Variants in PTPRN2 observed in about 807,000 individuals in gnomAD.
PTPRN2 encodes protein tyrosine phosphatase receptor type N2.
In PTPRN2, 74 loss-of-function variants were observed where a neutral mutation model predicts 118.8. The ratio of observed to expected loss-of-function variants is 0.62; its 90% CI spans 0.52 to 0.76. The LOEUF is 0.76. Ranked by LOEUF, PTPRN2 falls within the 30% of genes least tolerant of loss-of-function variation. PTPRN2 has a pLI of 0.00. For synonymous variants in PTPRN2, 641 were observed against 608.0 expected, an observed-to-expected ratio of 1.05 and a Z score of -0.80; for missense variants, 1,481 against 1,394.4, an observed-to-expected ratio of 1.06 and a Z score of -0.99.
intron 1 of PTPRN2, among the ~76,000 whole-genome samples, chr7:158,494,362 A>C (rs1821676501): frequency 2.0e-5 from 3 of 152,242 alleles, no homozygotes; most frequent in Non-Finnish European, 4.4e-5. Flanking sequence ...CCTGACTGCC[A>C]TGAGGGCAGA....
intron 12 of PTPRN2, among the ~76,000 whole-genome samples, chr7:157,853,008 C>T (rs149400231): frequency 6.1e-4 from 93 of 152,228 alleles, no homozygotes; most frequent in African/African-American, 2.2e-3. Flanking sequence ...ATGTGGTTTC[C>T]CATCACTGTG....
intron 1 of PTPRN2, among the ~76,000 whole-genome samples, chr7:158,558,435 G>T (rs1827185951): frequency 6.6e-6 from 1 of 152,146 alleles, no homozygotes; most frequent in South Asian, 2.1e-4. Context: ...CTTTCCATTT[G>T]TAAACTGTCC....
chr7:158,256,186 G>A (rs926619600), intron 3 of PTPRN2, among the ~76,000 whole-genome samples: 3 of 152,186 alleles, frequency 2.0e-5, no homozygotes, highest in African/African-American at 7.2e-5. Context: ...ACGATGCTTT[G>A]ATGGTCCTCT....
chr7:158,017,262 C>T (rs1408275804), intron 11 of PTPRN2, among the ~76,000 whole-genome samples: 1 of 152,188 alleles, frequency 6.6e-6, no homozygotes, highest in African/African-American at 2.4e-5. Context: ...TAGACCTTGG[C>T]TTTCCCAGCT....
chr7:157,540,427 A>G lies in PTPRN2; in HGVS notation c.*287T>C, dbSNP rs943249584. On this transcript the variant is annotated 3_prime_UTR_variant, in exon 23 of 23. Coordinates refer to ENST00000389418, the MANE Select transcript of PTPRN2 (RefSeq NM_002847.5). ...CTACTGCATTGTTAACACAACTTCA[A>G]CCAAGAAGGTGAACGGGTGCTTTAA... 3.4e-6 allele frequency: 1 copy of G among 295,458 alleles called. No individual in the cohort carries two copies. Among genetic ancestry groups the G allele is most frequent in the South Asian group, 5.5e-5 (1 of 18,318 alleles). 18.3% of individuals were successfully genotyped at this position (295,458 alleles called of 1,614,324 possible). A position where few individuals can be genotyped will look rare whatever the true frequency, so the allele number is the denominator to read the frequency against.
intron 2 of PTPRN2, among the ~76,000 whole-genome samples, chr7:158,455,833 C>G (rs1427480120): frequency 2.0e-5 from 3 of 149,212 alleles, no homozygotes; most frequent in Non-Finnish European, 3.0e-5. Flanking sequence ...TCGGCCACGG[C>G]CACCCATTGC....
intron 12 of PTPRN2, among the ~76,000 whole-genome samples, chr7:157,691,624 G>A (rs1257649281): frequency 6.6e-6 from 1 of 152,240 alleles, no homozygotes. Context: ...CCAAAACGCC[G>A]AAGGGAGACG....
At chr7:158,333,205 T>C (rs1804847811) in intron 2 of PTPRN2, among the ~76,000 whole-genome samples, 1 of 112,784 alleles carries the variant, frequency 8.9e-6, no homozygotes, top group Non-Finnish European at 1.8e-5. Context: ...CCATAAGAGC[T>C]GTCGCCCGCA....
chr7:157,816,583 T>A (rs78814090), intron 12 of PTPRN2, among the ~76,000 whole-genome samples: 3,659 of 152,354 alleles, frequency 0.024, 171 homozygotes, highest in African/African-American at 0.083. Flanking sequence ...GTGTTCTTTT[T>A]ACTGTCCACT....
At chr7:158,495,842 G>A (rs1821803197) in intron 1 of PTPRN2, among the ~76,000 whole-genome samples, 1 of 152,086 alleles carries the variant, frequency 6.6e-6, no homozygotes, top group Non-Finnish European at 1.5e-5. Flanking sequence ...CTGCGGTCAG[G>A]GCATCTGGCT....
intron 12 of PTPRN2, among the ~76,000 whole-genome samples, chr7:157,849,524 C>T (rs1301703798): frequency 6.6e-6 from 1 of 152,200 alleles, no homozygotes; most frequent in African/African-American, 2.4e-5. Context: ...CCTGGGCCAA[C>T]CCCTGGGTTC....
intron 5 of PTPRN2, among the ~76,000 whole-genome samples, chr7:158,175,199 C>T (rs551803939): frequency 5.6e-4 from 85 of 152,352 alleles, no homozygotes; most frequent in African/African-American, 1.9e-3. Flanking sequence ...TGTCTCACTG[C>T]CCGCCGGCAG....
chr7:157,776,962 C>T (rs1293655412), intron 12 of PTPRN2, among the ~76,000 whole-genome samples: 2 of 140,362 alleles, frequency 1.4e-5, no homozygotes, highest in East Asian at 4.5e-4. Flanking sequence ...TCCCTCTCCT[C>T]CTCCTCCATC....
chr7:157,873,760 C>A (rs979428176), intron 12 of PTPRN2, among the ~76,000 whole-genome samples: 2 of 152,078 alleles, frequency 1.3e-5, no homozygotes, highest in African/African-American at 2.4e-5. Flanking sequence ...GGCAGAGGGC[C>A]CTGCTTTCAG....
At position 158,546,083 on chromosome 7, in the gene PTPRN2, A is replaced by C. The variant is rs903782044; in HGVS notation, c.112+41475T>G. ...CCAGCAAGGGCTGGAGACCAAAAAA[A>C]CTGGGCCAACGGCCCACAAACACGT... On this transcript the variant is annotated intron_variant, in intron 1 of 22. Transcript: ENST00000389418. The surrounding 1 kb of genome is among the most constrained non-coding windows in gnomAD (Gnocchi z 5.0). Among the ~76,000 whole-genome samples, 1 of 152,216 alleles carries C rather than the reference A, an allele frequency of 6.6e-6. No homozygotes were observed. The highest frequency in any genetic ancestry group is 1.5e-5 in the Non-Finnish European group (1 of 68,036).
chr7:157,819,867 TCA>T (rs1290029435), intron 12 of PTPRN2, among the ~76,000 whole-genome samples: 2 of 149,646 alleles, frequency 1.3e-5, no homozygotes, highest in Admixed American at 1.3e-4. Flanking sequence ...ACACATGCAG[TCA>T]CACACACGCA....
At position 158,167,228 on chromosome 7, in the gene PTPRN2, G is replaced by T; in HGVS notation, c.613C>A (p.Pro205Thr). ...CGGAGCTGGGTCCGGGACCCGGGAGGGTAGGTCAGCGCAGACGTGTGGGCC... is the reference window on the plus strand; with the variant it reads ...CGGAGCTGGGTCCGGGACCCGGGAGTGTAGGTCAGCGCAGACGTGTGGGCC... ...YVAHTSALTY[P>T]PGSRTQLRED... The change falls in exon 6 of 23, where the codon CCT becomes ACT. Residue 205 changes from proline to threonine, a missense_variant. By Grantham distance (38) the Pro-to-Thr change is conservative. Transcript: ENST00000389418. 2 of 1,613,406 alleles carry T rather than the reference G, an allele frequency of 1.2e-6. No individual in the cohort carries two copies. The highest frequency in any genetic ancestry group is 2.2e-5 in the South Asian group (2 of 91,022).
intron 12 of PTPRN2, among the ~76,000 whole-genome samples, chr7:157,833,983 G>A (rs1203465188): frequency 2.0e-5 from 3 of 152,230 alleles, no homozygotes; most frequent in Non-Finnish European, 4.4e-5. Context: ...ACCTGGTGCC[G>A]AAAGAAGGAG....
At chr7:157,816,986 T>A (rs1806447757) in intron 12 of PTPRN2, among the ~76,000 whole-genome samples, 1 of 152,210 alleles carries the variant, frequency 6.6e-6, no homozygotes, top group Admixed American at 6.5e-5. Context: ...GCCGACCACA[T>A]GCCTCTGGCC....
Sources: gnomAD v4.1 joint callset for allele counts (sites outside exome capture counted in the v4.1 genomes callset) on GRCh38, gnomAD v4.1.1 for gene constraint, Gnocchi (gnomAD v3.1) non-coding constraint, MANE v1.5 for transcripts, NCBI Gene and HGNC (gene_info 2026-07-23, HGNC 2026-07-21) for gene names.